The following AIMP2 variants were observed in gnomAD, a reference collection of about 807,000 sequenced individuals.
The protein encoded by AIMP2 is aminoacyl tRNA synthase complex-interacting multifunctional protein 2.
Under a neutral mutation model 23.4 loss-of-function variants are expected in AIMP2, and 20 were observed. The ratio of observed to expected loss-of-function variants is 0.85; its 90% CI spans 0.60 to 1.24. The LOEUF (loss-of-function observed/expected upper bound fraction) is 1.24. AIMP2 is among the 50% of genes most tolerant of loss of function. AIMP2 has a pLI of 0.00. For synonymous variants in AIMP2, 210 were observed against 170.4 expected (o/e 1.23, Z -1.81); for missense variants, 515 against 414.5 (o/e 1.24, Z -2.10).
At chr7:6,016,479 CTCAT>C (rs1256608984) in intron 2 of AIMP2, among the ~76,000 whole-genome samples, 30 of 152,180 alleles carry the variant, frequency 2.0e-4, no homozygotes, top group African/African-American at 7.2e-4. Context: ...CCTCTGCTCC[CTCAT>C]TCATTCAGTA....
chr7:6,009,974 A>AAAAATATATATATATAT lies in AIMP2; in HGVS notation c.135+477_135+478insAAATATATATATATATA. ...CAAAAAAAAAAAAAAAAAAAAAAAA[A>AAAAATATATATATATAT]ATATATATATATATATATGTATGTA... On this transcript the variant is annotated intron_variant, in intron 1 of 3. Transcript: ENST00000223029. 2.3e-3 allele frequency among the ~76,000 whole-genome samples: 62 copies of AAAAATATATATATATAT among 26,608 alleles called. 2 individuals carry two copies. Among genetic ancestry groups the AAAAATATATATATATAT allele is most frequent in the East Asian group, 3.7e-3 (1 of 272 alleles). The allele number at this position is 26,608 out of a possible 152,430, so 17.5% of individuals were successfully genotyped here. A position where few individuals can be genotyped will look rare whatever the true frequency, so the allele number is the denominator to read the frequency against.
intron 3 of AIMP2, chr7:6,022,314 C>G (rs1298358150): frequency 6.6e-6 from 1 of 152,100 alleles, no homozygotes; most frequent in African/African-American, 2.4e-5. Context: ...CCATACAAAA[C>G]GTGTTAATCA....
chr7:6,017,440 T>C (rs1212236777), intron 2 of AIMP2, among the ~76,000 whole-genome samples: 1 of 151,696 alleles, frequency 6.6e-6, no homozygotes, highest in Non-Finnish European at 1.5e-5. Context: ...GGAGAATCGC[T>C]TGAACCTGTG....
At position 6,009,474 on chromosome 7, in the gene AIMP2, A is replaced by G. The variant is rs1399872735; in HGVS notation, c.111A>G (p.Pro37=). 6.3e-7 allele frequency: 1 copy of G among 1,586,208 alleles called. No homozygotes were observed. The highest frequency in any genetic ancestry group is 1.4e-5 in the African/African-American group (1 of 73,128). The change falls in exon 1 of 4, where the codon CCA becomes CCG. Residue 37 remains proline (P), a synonymous_variant. Transcript: ENST00000223029. ...ACGTGCACGGCAGGAGCTACGGCCC[A>G]GCGCCGGGCGCTGGCCACGTGCAGG... ...LPNVHGRSYG[P]APGAGHVQEE...
At chr7:6,020,062 T>C (rs549923720) in intron 3 of AIMP2, among the ~76,000 whole-genome samples, 1 of 150,742 alleles carries the variant, frequency 6.6e-6, no homozygotes, top group Admixed American at 6.6e-5. Flanking sequence ...GGCGTCACTA[T>C]AGCTGCACCA....
intron 1 of AIMP2, among the ~76,000 whole-genome samples, chr7:6,010,809 T>TG (rs1786627028): frequency 6.8e-6 from 1 of 147,222 alleles, no homozygotes; most frequent in Non-Finnish European, 1.5e-5. Flanking sequence ...GTCTGGGTGT[T>TG]TTTTTTTTTT....
At chr7:6,016,257 T>C (rs972270849) in intron 2 of AIMP2, among the ~76,000 whole-genome samples, 2 of 152,212 alleles carry the variant, frequency 1.3e-5, no homozygotes, top group Admixed American at 6.5e-5. Context: ...GAATCTGATA[T>C]GCAAAGAAAG....
At chr7:6,018,069 A>ACTTACAC (rs1787139978) in intron 3 of AIMP2, 24 bp downstream of exon 3, 1 of 1,579,436 alleles carries the variant, frequency 6.3e-7, no homozygotes, top group Non-Finnish European at 8.7e-7. Flanking sequence ...ACTGAGTTCA[A>ACTTACAC]CTTACACACA....
intron 3 of AIMP2, among the ~76,000 whole-genome samples, chr7:6,020,837 G>A (rs1053255455): frequency 6.6e-6 from 1 of 152,198 alleles, no homozygotes; most frequent in African/African-American, 2.4e-5. Context: ...TTGAAGGCAC[G>A]CAGGGCTAAG....
chr7:6,012,513 G>T (rs1179325031), intron 1 of AIMP2, among the ~76,000 whole-genome samples: 1 of 152,088 alleles, frequency 6.6e-6, no homozygotes, highest in South Asian at 2.1e-4. Context: ...AAAATCACAA[G>T]CCACGTTACA....
Position 6,023,522 on chromosome 7 carries a change from A to C in AIMP2, c.794A>C (p.Lys265Thr). ...CGCTCCATGAACTCTGCTCTTGGGA[A>C]GAGCCCTTGGCTCGCTGGGAATGAA... ...VFRSMNSALG[K>T]SPWLAGNELT... The change falls in exon 4 of 4, where the codon AAG becomes ACG. Residue 265 changes from lysine to threonine, a missense_variant. Coordinates refer to ENST00000223029, the MANE Select transcript of AIMP2 (RefSeq NM_006303.4). The C allele has an allele frequency of 6.2e-7, 1 of 1,614,230 alleles. No homozygotes were observed. Among genetic ancestry groups the C allele is most frequent in the South Asian group, 1.1e-5 (1 of 91,086 alleles).
intron 1 of AIMP2, 121 bp from the exon 2 acceptor site, chr7:6,015,025 T>G: frequency 6.5e-7 from 1 of 1,535,232 alleles, no homozygotes; most frequent in Non-Finnish European, 8.8e-7. Flanking sequence ...CAGCCCATAA[T>G]GTCTTCTTTT....
intron 1 of AIMP2, 98 bp downstream of exon 1, chr7:6,009,596 C>A: frequency 9.3e-7 from 1 of 1,079,060 alleles, no homozygotes; most frequent in Non-Finnish European, 1.2e-6. Context: ...AACCGGTTCA[C>A]GGCCCCACCC....
Position 6,023,493 on chromosome 7 carries a change from T to C in AIMP2, c.765T>C (p.Val255=). Residue 255 remains valine (V), a synonymous_variant, in exon 4 of 4, where the codon GTT becomes GTC. Coordinates refer to ENST00000223029, the MANE Select transcript of AIMP2 (RefSeq NM_006303.4). The part of the protein sequence containing the change: ...KEGSSKEKAA[V]FRSMNSALGK... ...GAAGCAGTAAAGAAAAAGCCGCTGTTTTCCGCTCCATGAACTCTGCTCTTG... is the reference window on the plus strand; with the variant it reads ...GAAGCAGTAAAGAAAAAGCCGCTGTCTTCCGCTCCATGAACTCTGCTCTTG... 1 of 1,614,202 alleles carries C rather than the reference T, an allele frequency of 6.2e-7. No individual in the cohort carries two copies. The highest frequency in any genetic ancestry group is 8.5e-7 in the Non-Finnish European group (1 of 1,180,014).
intron 1 of AIMP2, chr7:6,013,015 G>A (rs925686394): frequency 2.1e-5 from 20 of 950,946 alleles, no homozygotes; most frequent in Non-Finnish European, 2.3e-5. Context: ...AACAAGAGAA[G>A]AAGGAAGAGT....
rs1326473451 is a variant in AIMP2, at chr7:6,018,048, A to G, written c.574+3A>G. The G allele has an allele frequency of 1.4e-5, 22 of 1,610,392 alleles. 1 individual carries two copies. Among genetic ancestry groups the G allele is most frequent in the Admixed American group, 3.4e-5 (2 of 59,518 alleles). On this transcript the variant is annotated splice_donor_region_variant and intron_variant, in intron 3 of 3. Coordinates refer to ENST00000223029, the MANE Select transcript of AIMP2 (RefSeq NM_006303.4). ...ATTCACTTTAATTTGGAAGAATGGT[A>G]AGTAGACGGGACTGAGTTCAACTTA...
In AIMP2 at chr7:6,009,380, T is replaced by C; in HGVS notation, c.17T>C (p.Val6Ala). The stretch of plus-strand genomic sequence containing the variant: ...GGTTCTGCCATGCCGATGTACCAGG[T>C]AAAGCCCTATCACGGGGGCGGCGCG... MPMYQ[V>A]KPYHGGGAPL... The change falls in exon 1 of 4, where the codon GTA becomes GCA. Residue 6 changes from valine (V) to alanine (A), a missense_variant. Coordinates refer to ENST00000223029, the MANE Select transcript of AIMP2 (RefSeq NM_006303.4). The C allele has an allele frequency of 6.2e-7, 1 of 1,611,774 alleles. No individual in the cohort carries two copies. The highest frequency in any genetic ancestry group is 8.5e-7 in the Non-Finnish European group (1 of 1,180,002).
chr7:6,009,569 C>T, intron 1 of AIMP2, 71 bp downstream of exon 1: 3 of 1,333,310 alleles, frequency 2.3e-6, no homozygotes, highest in Non-Finnish European at 2.9e-6. Context: ...CCCCCCAGGC[C>T]GGAGCGAGCG....
chr7:6,009,974 A>AAAAAAAATATACATATATATATAT, intron 1 of AIMP2, among the ~76,000 whole-genome samples: 1 of 26,674 alleles, frequency 3.7e-5, no homozygotes, highest in African/African-American at 1.4e-4. Context: ...AAAAAAAAAA[A>AAAAAAAATATACATATATATATAT]ATATATATAT....
Sources: allele counts gnomAD v4.1 joint callset (sites outside exome capture counted in the v4.1 genomes callset), GRCh38; gene constraint gnomAD v4.1.1; transcripts MANE v1.5; gene names NCBI Gene and HGNC (gene_info 2026-07-23, HGNC 2026-07-21).